SSH1: variants seen among roughly 807,000 people sequenced by gnomAD.
SSH1 encodes the protein slingshot protein phosphatase 1.
Under a neutral mutation model 79.7 loss-of-function variants are expected in SSH1, and 43 were observed. The ratio of observed to expected loss-of-function variants is 0.54; its 90% confidence interval spans 0.42 to 0.70. The LOEUF is 0.70. SSH1 is among the 30% of genes least tolerant of loss of function. The pLI, the probability that SSH1 is intolerant of heterozygous loss-of-function variation, is 0.00. For synonymous variants in SSH1, 599 were observed against 538.3 expected, an observed-to-expected ratio of 1.11 and a Z score of -1.56; for missense variants, 1,206 against 1,358.8, an observed-to-expected ratio of 0.89 and a Z score of 1.77.
chr12:108,843,777 C>T (rs916653631), intron 2 of SSH1, among the ~76,000 whole-genome samples: 16 of 152,210 alleles, frequency 1.1e-4, no homozygotes, highest in South Asian at 6.2e-4. Context: ...TCAAGTGATC[C>T]GCCCGCCTCG....
Position 108,802,379 on chromosome 12 carries a change from G to A in SSH1, c.955-11C>T. 1 of 1,613,872 alleles carries A rather than the reference G, an allele frequency of 6.2e-7. No individual in the cohort carries two copies. The highest frequency in any genetic ancestry group is 1.1e-5 in the South Asian group (1 of 91,068). The stretch of plus-strand genomic sequence containing the variant: ...ATTCCATTCAGAGCCCTGGGAGACA[G>A]ATCACACAAGCTCCTGTGAGTGTCA... On this transcript the variant is annotated splice_polypyrimidine_tract_variant and intron_variant, in intron 10 of 14. Coordinates refer to ENST00000326495, the MANE Select transcript of SSH1 (RefSeq NM_018984.4).
chr12:108,797,885 T>C (rs1222809382), intron 13 of SSH1, among the ~76,000 whole-genome samples: 2 of 152,260 alleles, frequency 1.3e-5, no homozygotes, highest in Non-Finnish European at 2.9e-5. Context: ...TGCTGTCACA[T>C]TGGCCCTTTG....
At chr12:108,820,626 CAG>C (rs2038082133) in intron 3 of SSH1, among the ~76,000 whole-genome samples, 1 of 152,188 alleles carries the variant, frequency 6.6e-6, no homozygotes, top group African/African-American at 2.4e-5. Flanking sequence ...ACAAAAAAAT[CAG>C]AGAATATAAG....
intron 2 of SSH1, among the ~76,000 whole-genome samples, chr12:108,825,427 G>A (rs2038275433): frequency 6.6e-6 from 1 of 152,204 alleles, no homozygotes. Flanking sequence ...AGCAGCTCCT[G>A]AGATCAGGAA....
intron 3 of SSH1, among the ~76,000 whole-genome samples, chr12:108,822,387 T>A (rs1230066005): frequency 6.6e-6 from 1 of 152,114 alleles, no homozygotes; most frequent in East Asian, 1.9e-4. Flanking sequence ...CTGCCCACCT[T>A]GGCCTCCCAA....
At chr12:108,831,340 A>T (rs926386910) in intron 2 of SSH1, among the ~76,000 whole-genome samples, 2 of 152,382 alleles carry the variant, frequency 1.3e-5, no homozygotes, top group African/African-American at 4.8e-5. Context: ...CAGCATAGAA[A>T]GATGGGTGCC....
chr12:108,806,921 G>C (rs1220992984), intron 8 of SSH1, among the ~76,000 whole-genome samples: 1 of 152,180 alleles, frequency 6.6e-6, no homozygotes, highest in South Asian at 2.1e-4. Flanking sequence ...CCCTTCCTCC[G>C]TGATTTCAAG....
chr12:108,788,591 G>C lies in SSH1; in HGVS notation c.2547C>G (p.Ser849Arg), dbSNP rs760280673. 6.2e-7 allele frequency: 1 copy of C among 1,604,772 alleles called. No individual in the cohort carries two copies. Among genetic ancestry groups the C allele is most frequent in the Non-Finnish European group, 8.5e-7 (1 of 1,173,602 alleles). Residue 849 changes from serine to arginine, a missense_variant, in exon 15 of 15, where the codon AGC becomes AGG. Ser to Arg is a moderately radical substitution (Grantham distance 110). This residue lies in a region of SSH1 where 709 missense variants were observed against 730.6 expected (regional missense o/e 0.97). Coordinates refer to ENST00000326495, the MANE Select transcript of SSH1 (RefSeq NM_018984.4). ...PAPPSRDGPA[S>R]RLEASIPEES... is the part of the protein sequence containing the mutation. ...CCTCGGGGATGCTGGCCTCCAGCCT[G>C]CTGGCAGGGCCATCCCTGGAGGGAG...
chr12:108,854,830 G>A (rs543185967), intron 1 of SSH1, among the ~76,000 whole-genome samples: 5 of 152,272 alleles, frequency 3.3e-5, no homozygotes, highest in South Asian at 2.1e-4. Context: ...AAGCGAGGGC[G>A]GACCAGGGCA....
chr12:108,835,735 G>A (rs1251724579), intron 2 of SSH1, among the ~76,000 whole-genome samples: 2 of 151,716 alleles, frequency 1.3e-5, no homozygotes, highest in Admixed American at 1.3e-4. Flanking sequence ...TGGCAAGCAG[G>A]GTGCAAAGGG....
At position 108,792,727 on chromosome 12, in the gene SSH1, T is replaced by C. The variant is rs1440036467; in HGVS notation, c.1452A>G (p.Pro484=). The C allele has an allele frequency of 6.2e-7, 1 of 1,613,792 alleles. No individual in the cohort carries two copies. Among genetic ancestry groups the C allele is most frequent in the South Asian group, 1.1e-5 (1 of 91,082 alleles). ...GCAGCTGGCTTTCCGGGGTGCCATC[T>C]GGGGTCTCTGGCAAGAAGTCGCCAG... ...AGPGDFLPET[P]DGTPESQLPF... is the part of the protein sequence containing the mutation. Residue 484 remains proline (P), a synonymous_variant, in exon 14 of 15, where the codon CCA becomes CCG. Coordinates refer to ENST00000326495, the MANE Select transcript of SSH1 (RefSeq NM_018984.4).
At chr12:108,804,933 TG>T in intron 10 of SSH1, 122 bp downstream of exon 10, 2 of 1,202,362 alleles carry the variant, frequency 1.7e-6, no homozygotes, top group Non-Finnish European at 2.4e-6. Flanking sequence ...CCAGCCAGGA[TG>T]GAGGCTCTGG....
Position 108,788,046 on chromosome 12 carries a change from G to T in SSH1, c.3092C>A (p.Pro1031Gln), listed in dbSNP as rs2036336392. The change falls in exon 15 of 15, where the codon CCA becomes CAA. Residue 1031 changes from proline (P) to glutamine (Q), a missense_variant. Transcript: ENST00000326495. ...GTTTTCTGGGGCGGGTTTCCCTGAT[G>T]GTTTGGAGGTTGCAGCTGGGTCCCT... ...TPRDPAATSKPSGKPAPENLK... is the reference protein window; with the variant it reads ...TPRDPAATSKQSGKPAPENLK... The T allele has an allele frequency of 6.2e-7, 1 of 1,614,128 alleles. No homozygotes were observed. The highest frequency in any genetic ancestry group is 1.3e-5 in the African/African-American group (1 of 75,010).
At position 108,805,039 on chromosome 12, in the gene SSH1, A is replaced by G; in HGVS notation, c.954+17T>C. 6.2e-7 allele frequency: 1 copy of G among 1,613,968 alleles called. No individual in the cohort carries two copies. The highest frequency in any genetic ancestry group is 8.5e-7 in the Non-Finnish European group (1 of 1,179,872). Reference sequence around the variant, plus strand: ...TATGTCCCCCAAACCAGATACTGCCAGGGCCATGCCTCTTACGAGATAAAG... The same window carrying G: ...TATGTCCCCCAAACCAGATACTGCCGGGGCCATGCCTCTTACGAGATAAAG... On this transcript the variant is annotated intron_variant, in intron 10 of 14. Coordinates refer to ENST00000326495, the MANE Select transcript of SSH1 (RefSeq NM_018984.4).
intron 14 of SSH1, among the ~76,000 whole-genome samples, chr12:108,789,826 G>A (rs924005025): frequency 3.3e-5 from 5 of 152,132 alleles, no homozygotes; most frequent in Admixed American, 1.3e-4. Flanking sequence ...TGGAGGGCAG[G>A]ACAAGGCAGG....
chr12:108,805,964 A>G (rs1243409311), intron 9 of SSH1, among the ~76,000 whole-genome samples: 1 of 152,138 alleles, frequency 6.6e-6, no homozygotes, highest in Admixed American at 6.5e-5. Context: ...CAGAAGAGAG[A>G]ACAAGGGGGT....
chr12:108,806,417 A>T (rs1299910961), intron 8 of SSH1, 23 bp from the exon 9 acceptor site: 4 of 1,607,778 alleles, frequency 2.5e-6, no homozygotes, highest in Non-Finnish European at 3.4e-6. Context: ...GACGTTTAGG[A>T]GAGCAAGGAG....
intron 2 of SSH1, among the ~76,000 whole-genome samples, chr12:108,837,998 G>A (rs911605966): frequency 1.8e-4 from 27 of 152,086 alleles, no homozygotes; most frequent in African/African-American, 6.3e-4. Context: ...TGCCAGGGCT[G>A]GTACTGAACT....
chr12:108,802,464 T>A lies in SSH1; in HGVS notation c.955-96A>T, dbSNP rs1360649460. Reference sequence around the variant, plus strand: ...GTTTGCCCTAGCTCTGGCGGTGAGGTCTTATTTCATGGCCCCATTGGCCTC... The same window carrying A: ...GTTTGCCCTAGCTCTGGCGGTGAGGACTTATTTCATGGCCCCATTGGCCTC... On this transcript the variant is annotated intron_variant, in intron 10 of 14. Transcript: ENST00000326495. 4.5e-6 allele frequency: 5 copies of A among 1,121,734 alleles called. No homozygotes were observed. In the African/African-American group the frequency reaches 7.6e-5, roughly 17 times the overall value. The allele number at this position is 1,121,734 out of a possible 1,614,324, so 69.5% of individuals were successfully genotyped here.
Sources: gnomAD v4.1 joint callset for allele counts (sites outside exome capture counted in the v4.1 genomes callset) on GRCh38, gnomAD v4.1.1 for gene constraint, gnomAD v4.1.1 regional missense constraint, MANE v1.5 for transcripts, NCBI Gene and HGNC (gene_info 2026-07-23, HGNC 2026-07-21) for gene names.